CAP2: variants seen among roughly 807,000 people sequenced by gnomAD.
CAP2 encodes adenylyl cyclase-associated protein 2.
Under a neutral mutation model 57.7 loss-of-function variants are expected in CAP2, and 24 were observed. The observed-to-expected ratio is 0.42, with a 90% confidence interval of 0.30 to 0.58. The LOEUF (loss-of-function observed/expected upper bound fraction) is 0.58, where lower values mean the gene tolerates loss of function less well. Among genes scored for constraint, CAP2 ranks in the 20% least tolerant of loss-of-function variants. The pLI, the probability that CAP2 is intolerant of heterozygous loss-of-function variation, is 0.22. For synonymous variants in CAP2, 194 were observed against 207.2 expected, an observed-to-expected ratio of 0.94 and a Z score of 0.55; for missense variants, 501 against 590.3, an observed-to-expected ratio of 0.85 and a Z score of 1.57.
chr6:17,504,550 C>T (rs1052883243), intron 4 of CAP2, among the ~76,000 whole-genome samples: 5 of 152,214 alleles, frequency 3.3e-5, no homozygotes, highest in Admixed American at 3.3e-4. Context: ...GACCTAGCTT[C>T]CAGTTCCAGC....
rs547879577 is a variant in CAP2, at chr6:17,428,775, A to G, written c.222+2085A>G. The stretch of plus-strand genomic sequence containing the variant: ...TGTACCCTAAAACTTAAAGTATAAT[A>G]AAAAAAAAAAGTTAAAAAAAGTATA... On this transcript the variant is annotated intron_variant, in intron 3 of 12. Coordinates refer to ENST00000229922, the MANE Select transcript of CAP2 (RefSeq NM_006366.3). Among the ~76,000 whole-genome samples, 46 of 80,212 alleles carry G rather than the reference A, an allele frequency of 5.7e-4. No homozygotes were observed. The East Asian group carries it at 0.012, about 21-fold the overall frequency. 52.6% of individuals were successfully genotyped at this position (80,212 alleles called of 152,430 possible). A position where few individuals can be genotyped will look rare whatever the true frequency, so the allele number is the denominator to read the frequency against.
chr6:17,406,398 C>CTTTTTGTTTTTTTTTT (rs1554119903), intron 1 of CAP2, among the ~76,000 whole-genome samples: 1 of 102,472 alleles, frequency 9.8e-6, no homozygotes, highest in Non-Finnish European at 1.8e-5. Flanking sequence ...GCCCAGATTT[C>CTTTTTGTTTTTTTTTT]TTTTTTTTTT....
Position 17,551,551 on chromosome 6 carries a change from G to C in CAP2, c.1297G>C (p.Val433Leu), listed in dbSNP as rs770860765. ...LSEDALDCEI[V>L]SAKSSEMNIL... The stretch of plus-strand genomic sequence containing the variant: ...TGAAGATGCATTAGACTGTGAGATC[G>C]TGAGCGCCAAGTCATCTGAAATGAA... Residue 433 changes from valine (V) to leucine (L), a missense_variant, in exon 12 of 13, where the codon GTG becomes CTG. Coordinates refer to ENST00000229922, the MANE Select transcript of CAP2 (RefSeq NM_006366.3). 59 of 1,611,722 alleles carry C rather than the reference G, an allele frequency of 3.7e-5. No individual in the cohort carries two copies. Among genetic ancestry groups the C allele is most frequent in the Non-Finnish European group, 4.3e-5 (51 of 1,178,236 alleles).
At chr6:17,456,222 C>T (rs576619723) in intron 3 of CAP2, among the ~76,000 whole-genome samples, 6 of 152,154 alleles carry the variant, frequency 3.9e-5, no homozygotes, top group Non-Finnish European at 8.8e-5. Flanking sequence ...AAGAAAGCCT[C>T]CAGTTGATTC....
At chr6:17,525,475 A>AC (rs951968899) in intron 7 of CAP2, among the ~76,000 whole-genome samples, 8 of 151,676 alleles carry the variant, frequency 5.3e-5, no homozygotes, top group African/African-American at 1.5e-4. Context: ...TCTCAAAAAA[A>AC]AAAAAGAAAG....
chr6:17,401,314 T>G (rs1758810724), intron 1 of CAP2, among the ~76,000 whole-genome samples: 1 of 152,208 alleles, frequency 6.6e-6, no homozygotes, highest in Admixed American at 6.5e-5. Flanking sequence ...AAGTGGGCCT[T>G]GATCTGCATT....
chr6:17,395,782 GA>G (rs1455288061), intron 1 of CAP2, among the ~76,000 whole-genome samples: 1 of 152,014 alleles, frequency 6.6e-6, no homozygotes, highest in African/African-American at 2.4e-5. Flanking sequence ...GGTGAGTTAT[GA>G]ACATTATGTT....
intron 7 of CAP2, chr6:17,531,744 T>G: frequency 1.7e-6 from 1 of 597,382 alleles, no homozygotes; most frequent in Non-Finnish European, 2.9e-6. Flanking sequence ...TCTATATACA[T>G]TCCCCCCATG....
intron 1 of CAP2, among the ~76,000 whole-genome samples, chr6:17,399,038 T>C (rs1431651484): frequency 6.6e-6 from 1 of 152,154 alleles, no homozygotes; most frequent in South Asian, 2.1e-4. Flanking sequence ...AAGTACCTTA[T>C]ACAATATTTG....
At chr6:17,496,037 G>T (rs866881976) in intron 4 of CAP2, among the ~76,000 whole-genome samples, 9 of 132,214 alleles carry the variant, frequency 6.8e-5, no homozygotes, top group South Asian at 3.0e-4. Context: ...TGGGGGGGGG[G>T]GGTAAGTCAG....
intron 7 of CAP2, among the ~76,000 whole-genome samples, chr6:17,530,621 C>T (rs1298483153): frequency 3.3e-5 from 5 of 152,084 alleles, no homozygotes; most frequent in South Asian, 2.1e-4. Flanking sequence ...AACAGTGCCA[C>T]GGCATGTCAG....
intron 8 of CAP2, among the ~76,000 whole-genome samples, chr6:17,540,652 G>A (rs995986285): frequency 1.3e-5 from 2 of 152,122 alleles, no homozygotes; most frequent in African/African-American, 4.8e-5. Flanking sequence ...TACTTGGGAG[G>A]CTGAGGCAGG....
chr6:17,419,519 T>C (rs1018940064), intron 1 of CAP2, among the ~76,000 whole-genome samples: 16 of 152,184 alleles, frequency 1.1e-4, no homozygotes, highest in Admixed American at 6.5e-4. Context: ...CTCAGGAACC[T>C]GAACAAATTA....
chr6:17,449,413 A>T (rs61114476), intron 3 of CAP2, among the ~76,000 whole-genome samples: 8,708 of 149,378 alleles, frequency 0.058, 843 homozygotes, highest in African/African-American at 0.2. Flanking sequence ...TATTATTATT[A>T]TTTTTTTTTT....
At chr6:17,472,449 T>G (rs1340084908) in intron 4 of CAP2, among the ~76,000 whole-genome samples, 1 of 152,206 alleles carries the variant, frequency 6.6e-6, no homozygotes. Flanking sequence ...TAGTTTAAGT[T>G]CAACTAAAAT....
At chr6:17,511,621 T>A (rs1296096342) in intron 6 of CAP2, among the ~76,000 whole-genome samples, 1 of 152,062 alleles carries the variant, frequency 6.6e-6, no homozygotes, top group African/African-American at 2.4e-5. Flanking sequence ...CCAGCTAATT[T>A]TTTTGCATTT....
At chr6:17,491,324 T>TA (rs1456079526) in intron 4 of CAP2, among the ~76,000 whole-genome samples, 2 of 152,222 alleles carry the variant, frequency 1.3e-5, no homozygotes, top group Non-Finnish European at 2.9e-5. Flanking sequence ...ATGTCCTTCT[T>TA]ACCGCATATC....
At chr6:17,467,170 G>A (rs759957342) in intron 4 of CAP2, among the ~76,000 whole-genome samples, 4 of 152,130 alleles carry the variant, frequency 2.6e-5, no homozygotes, top group African/African-American at 7.2e-5. Context: ...TGTGGCTCAC[G>A]TCAGCCTTGT....
At chr6:17,541,227 TG>T in intron 9 of CAP2, 79 bp downstream of exon 9, 1 of 1,133,232 alleles carries the variant, frequency 8.8e-7, no homozygotes, top group Non-Finnish European at 1.3e-6. Context: ...TACCAAGATC[TG>T]AAGGATTTCT....
Sources: allele counts gnomAD v4.1 joint callset (sites outside exome capture counted in the v4.1 genomes callset), GRCh38; gene constraint gnomAD v4.1.1; transcripts MANE v1.5; gene names NCBI Gene and HGNC (gene_info 2026-07-23, HGNC 2026-07-21).